The following CMIP variants were observed in gnomAD, a reference collection of about 807,000 sequenced individuals.
The protein encoded by CMIP is c-Maf inducing protein.
A neutral mutation model predicts 97.3 loss-of-function variants in CMIP; 13 were observed. That is an observed-to-expected ratio of 0.13 (90% CI 0.09 to 0.21). The LOEUF is 0.21. Among genes scored for constraint, CMIP ranks in the 10% least tolerant of loss-of-function variants. The probability of loss-of-function intolerance (pLI) is 1.00; values close to 1 mark genes in which losing one functional copy is unlikely to be tolerated. For synonymous variants in CMIP, 538 were observed against 436.3 expected (o/e 1.23, Z -2.91); for missense variants, 847 against 1,024.9 (o/e 0.83, Z 2.37).
intron 1 of CMIP, among the ~76,000 whole-genome samples, chr16:81,473,467 T>C (rs79006940): frequency 0.015 from 2,336 of 151,202 alleles, 51 homozygotes; most frequent in African/African-American, 0.054. Flanking sequence ...TTTCCCTTTC[T>C]TCTTCTTTTT....
At chr16:81,575,740 A>G (rs554563099) in intron 1 of CMIP, among the ~76,000 whole-genome samples, 6 of 152,222 alleles carry the variant, frequency 3.9e-5, no homozygotes, top group African/African-American at 1.4e-4. Context: ...CTGGGCCCTG[A>G]AGAGCTCTGA....
chr16:81,577,822 C>G (rs2091223658), intron 1 of CMIP, among the ~76,000 whole-genome samples: 1 of 140,938 alleles, frequency 7.1e-6, no homozygotes, highest in Admixed American at 6.8e-5. Flanking sequence ...CCCATTACCA[C>G]TACGCTATTA....
chr16:81,525,165 A>G (rs1412329332), intron 1 of CMIP, among the ~76,000 whole-genome samples: 1 of 150,920 alleles, frequency 6.6e-6, no homozygotes, highest in Non-Finnish European at 1.5e-5. Context: ...TTTTCTTGAG[A>G]TGGAGTCTTG....
chr16:81,495,297 C>T (rs777655674), intron 1 of CMIP: 53 of 1,428,420 alleles, frequency 3.7e-5, no homozygotes, highest in Non-Finnish European at 4.3e-5. Flanking sequence ...CCCTCTGGGG[C>T]GGGGCCCTGG....
intron 9 of CMIP, 128 bp downstream of exon 9, chr16:81,672,198 T>C: frequency 8.7e-6 from 5 of 575,480 alleles, no homozygotes; most frequent in Non-Finnish European, 1.6e-5. Flanking sequence ...GCAGACCTCA[T>C]GGTGTGTTTG....
intron 15 of CMIP, among the ~76,000 whole-genome samples, chr16:81,700,205 C>T (rs1465007815): frequency 6.6e-6 from 1 of 152,148 alleles, no homozygotes; most frequent in Non-Finnish European, 1.5e-5. Flanking sequence ...CAAGGCTTCT[C>T]GCATTGGCCT....
At chr16:81,553,674 C>T (rs1446841965) in intron 1 of CMIP, among the ~76,000 whole-genome samples, 17 of 152,230 alleles carry the variant, frequency 1.1e-4, no homozygotes, top group Admixed American at 8.5e-4. Context: ...CAGCTTCACA[C>T]GCACCTCTCT....
chr16:81,571,587 CA>C (rs397854647), intron 1 of CMIP, among the ~76,000 whole-genome samples: 32,790 of 87,636 alleles, frequency 0.37, 3,888 homozygotes, highest in South Asian at 0.53. Context: ...TCATCTCTAC[CA>C]AAAAAAAAAA....
At chr16:81,580,488 C>T (rs2091278044) in intron 1 of CMIP, among the ~76,000 whole-genome samples, 1 of 147,202 alleles carries the variant, frequency 6.8e-6, no homozygotes, top group Admixed American at 6.8e-5. Flanking sequence ...GGCTGGAGTG[C>T]AGTGGCGTGA....
chr16:81,450,755 TTAAAA>T (rs1451202954), intron 1 of CMIP, among the ~76,000 whole-genome samples: 1 of 152,210 alleles, frequency 6.6e-6, no homozygotes, highest in Non-Finnish European at 1.5e-5. Flanking sequence ...GTCTAGTTTC[TTAAAA>T]TAAATTACAA....
intron 15 of CMIP, among the ~76,000 whole-genome samples, chr16:81,700,231 A>G (rs1001142012): frequency 2.0e-5 from 3 of 151,908 alleles, no homozygotes; most frequent in Non-Finnish European, 2.9e-5. Flanking sequence ...GCCTCAGACA[A>G]TGAGGGCTTT....
At chr16:81,490,230 A>G (rs547132294) in intron 1 of CMIP, among the ~76,000 whole-genome samples, 13 of 152,326 alleles carry the variant, frequency 8.5e-5, no homozygotes, top group Admixed American at 7.2e-4. Flanking sequence ...TACTGTGTGC[A>G]AGGAATATAG....
At chr16:81,597,600 G>GC (rs2091581002) in intron 1 of CMIP, among the ~76,000 whole-genome samples, 1 of 151,680 alleles carries the variant, frequency 6.6e-6, no homozygotes, top group South Asian at 2.1e-4. Context: ...GAGCGGGGGG[G>GC]GGGGAGTCTC....
intron 1 of CMIP, among the ~76,000 whole-genome samples, chr16:81,546,528 T>C (rs1252100021): frequency 6.6e-6 from 1 of 152,204 alleles, no homozygotes; most frequent in East Asian, 1.9e-4. Flanking sequence ...TTAATTCATC[T>C]AACTAATAGT....
In CMIP at chr16:81,678,417, A is replaced by G; in HGVS notation, c.1177A>G (p.Lys393Glu). Residue 393 changes from lysine (K) to glutamate (E), a missense_variant, in exon 10 of 21, where the codon AAG becomes GAG. Physicochemically the swap from Lys to Glu is moderately conservative, Grantham distance 56. Transcript: ENST00000537098. The part of the protein sequence containing the change: ...QEATLSEARL[K>E]SVVVASSEIH... ...AGCCACGCTGTCTGAGGCCCGGCTCAAGTCGGTGGTCGTGGCCTCCAGTGA... is the reference window on the plus strand; with the variant it reads ...AGCCACGCTGTCTGAGGCCCGGCTCGAGTCGGTGGTCGTGGCCTCCAGTGA... The G allele has an allele frequency of 6.3e-7, 1 of 1,599,156 alleles. No homozygotes were observed. The highest frequency in any genetic ancestry group is 8.5e-7 in the Non-Finnish European group (1 of 1,173,630).
chr16:81,620,295 GAGA>G, intron 2 of CMIP: 1 of 152,662 alleles, frequency 6.6e-6, no homozygotes, highest in Non-Finnish European at 1.5e-5. Context: ...CCATTGGCAG[GAGA>G]AGGTCATGGT....
intron 1 of CMIP, among the ~76,000 whole-genome samples, chr16:81,593,072 G>T (rs916005369): frequency 6.6e-6 from 1 of 152,154 alleles, no homozygotes; most frequent in Non-Finnish European, 1.5e-5. Flanking sequence ...AATATCAGTC[G>T]TTTGCTCTAT....
intron 2 of CMIP, 144 bp downstream of exon 2, chr16:81,607,836 A>C: frequency 1.1e-6 from 1 of 936,340 alleles, no homozygotes; most frequent in Non-Finnish European, 1.6e-6. Context: ...AGTATAAGAA[A>C]GCTGTAAACC....
intron 1 of CMIP, among the ~76,000 whole-genome samples, chr16:81,548,056 C>T (rs1446049667): frequency 6.6e-6 from 1 of 152,072 alleles, no homozygotes; most frequent in Admixed American, 6.6e-5. Flanking sequence ...CTAGGGCTTA[C>T]CTTGACCCAA....
Sources: gnomAD v4.1 joint callset for allele counts (sites outside exome capture counted in the v4.1 genomes callset) on GRCh38, gnomAD v4.1.1 for gene constraint, MANE v1.5 for transcripts, NCBI Gene and HGNC (gene_info 2026-07-23, HGNC 2026-07-21) for gene names.